SELENOF: variants seen among roughly 807,000 people sequenced by gnomAD.
SELENOF encodes the protein 15 kDa selenoprotein.
In SELENOF, 16 loss-of-function variants were observed where a neutral mutation model predicts 20.5. That is an observed-to-expected ratio of 0.78 (90% CI 0.53 to 1.19). The LOEUF (loss-of-function observed/expected upper bound fraction) is 1.19, where lower values mean the gene tolerates loss of function less well. Ranked by LOEUF, SELENOF falls within the 50% of genes most tolerant of loss-of-function variation. The pLI, the probability that SELENOF is intolerant of heterozygous loss-of-function variation, is 0.00. For missense variants in SELENOF, 215 were observed against 194.2 expected (o/e 1.11, Z -0.64); for synonymous variants, 78 against 74.5 (o/e 1.05, Z -0.24).
intron 2 of SELENOF, among the ~76,000 whole-genome samples, chr1:86,900,080 C>A (rs1570402402): frequency 6.6e-6 from 1 of 151,166 alleles, no homozygotes; most frequent in African/African-American, 2.4e-5. Context: ...GGCGGCCGGG[C>A]AGAGACGCTC....
rs571816880 is a variant in SELENOF, at chr1:86,885,040, G to C, written c.253-4315C>G. On this transcript the variant is annotated intron_variant, in intron 2 of 4. Coordinates refer to ENST00000331835, the MANE Select transcript of SELENOF (RefSeq NM_004261.5). Reference sequence around the variant, plus strand: ...TCACTAATGTGCCTTAGTTGTAACAGGATTTTAAAATATGCGAATTTCCCA... The same window carrying C: ...TCACTAATGTGCCTTAGTTGTAACACGATTTTAAAATATGCGAATTTCCCA... Among the ~76,000 whole-genome samples the C allele has an allele frequency of 3.9e-5, 6 of 152,224 alleles. No homozygotes were observed. The East Asian group carries it at 7.7e-4, about 20-fold the overall frequency.
intron 2 of SELENOF, among the ~76,000 whole-genome samples, chr1:86,898,540 T>C (rs1659584398): frequency 6.6e-6 from 1 of 151,686 alleles, no homozygotes; most frequent in Non-Finnish European, 1.5e-5. Context: ...TATGTACAAA[T>C]AGCTAAAGCA....
rs569250229 is a variant in SELENOF at position 86,914,088 on chromosome 1, C to A, written c.24G>T (p.Pro8=). The A allele has an allele frequency of 1.2e-6, 2 of 1,613,988 alleles. No individual in the cohort carries two copies. The change falls in exon 1 of 5, where the codon CCG becomes CCT. Residue 8 remains proline (P), a synonymous_variant. Coordinates refer to ENST00000331835, the MANE Select transcript of SELENOF (RefSeq NM_004261.5). ...CAAACGCCGGCACCAGACACCCACT[C>A]GGCCCAGCCGCCATCGCTACCATTT... The part of the protein sequence containing the change: MVAMAAG[P]SGCLVPAFGL...
At chr1:86,878,639 G>A (rs749938302) in intron 3 of SELENOF, among the ~76,000 whole-genome samples, 7 of 152,116 alleles carry the variant, frequency 4.6e-5, no homozygotes, top group East Asian at 1.9e-4. Context: ...CTGAAATTGC[G>A]CCACTGCACT....
At chr1:86,884,367 A>G in intron 2 of SELENOF, among the ~76,000 whole-genome samples, 1 of 151,820 alleles carries the variant, frequency 6.6e-6, no homozygotes, top group African/African-American at 2.4e-5. Flanking sequence ...ACACACACAC[A>G]CACACACACA....
At chr1:86,899,093 G>A (rs1659603829) in intron 2 of SELENOF, among the ~76,000 whole-genome samples, 1 of 151,660 alleles carries the variant, frequency 6.6e-6, no homozygotes, top group African/African-American at 2.4e-5. Flanking sequence ...GAGAGCACAA[G>A]GTTGTGGGGT....
intron 3 of SELENOF, among the ~76,000 whole-genome samples, chr1:86,871,044 T>TC (rs1658751662): frequency 6.6e-6 from 1 of 152,154 alleles, no homozygotes; most frequent in Admixed American, 6.5e-5. Context: ...TAAACGTAGA[T>TC]CCATAGCTTC....
At chr1:86,905,564 C>A (rs1659807505) in intron 1 of SELENOF, among the ~76,000 whole-genome samples, 1 of 152,146 alleles carries the variant, frequency 6.6e-6, no homozygotes, top group Admixed American at 6.5e-5. Context: ...TGACACTGTA[C>A]TATGTAAATC....
At chr1:86,880,957 T>C (rs1659052158) in intron 2 of SELENOF, among the ~76,000 whole-genome samples, 2 of 152,154 alleles carry the variant, frequency 1.3e-5, no homozygotes, top group South Asian at 4.1e-4. Context: ...CAATTATTCT[T>C]AAACCTAGCC....
At chr1:86,912,172 C>T (rs769202855) in intron 1 of SELENOF, among the ~76,000 whole-genome samples, 4 of 152,106 alleles carry the variant, frequency 2.6e-5, no homozygotes, top group Non-Finnish European at 4.4e-5. Context: ...AACCAAGACG[C>T]TGTTATTTCT....
chr1:86,868,141 C>T (rs765871924), intron 3 of SELENOF, 39 bp from the exon 4 acceptor site: 16 of 934,504 alleles, frequency 1.7e-5, no homozygotes, highest in Non-Finnish European at 2.3e-5. Context: ...AGTTCACTTC[C>T]AAATCCAAGC....
chr1:86,893,044 G>C (rs1659428293), intron 2 of SELENOF, among the ~76,000 whole-genome samples: 1 of 152,096 alleles, frequency 6.6e-6, no homozygotes, highest in South Asian at 2.1e-4. Flanking sequence ...GAATCAAATA[G>C]ACCTGAGATA....
intron 4 of SELENOF, among the ~76,000 whole-genome samples, chr1:86,867,387 G>A (rs1027378556): frequency 6.6e-6 from 1 of 151,998 alleles, no homozygotes; most frequent in African/African-American, 2.4e-5. Flanking sequence ...AGCTGCTCAG[G>A]AAGCTGAGAC....
chr1:86,897,478 A>G (rs1304867778), intron 2 of SELENOF, among the ~76,000 whole-genome samples: 3 of 152,162 alleles, frequency 2.0e-5, no homozygotes, highest in Admixed American at 2.0e-4. Context: ...AGAAGATGGG[A>G]AGCTGAGCTA....
At chr1:86,905,736 A>C (rs1659811771) in intron 1 of SELENOF, among the ~76,000 whole-genome samples, 3 of 152,166 alleles carry the variant, frequency 2.0e-5, no homozygotes, top group Admixed American at 2.0e-4. Flanking sequence ...CAACTGACTG[A>C]TCTTCTAGAC....
At chr1:86,913,020 T>C (rs1311335055) in intron 1 of SELENOF, among the ~76,000 whole-genome samples, 1 of 152,118 alleles carries the variant, frequency 6.6e-6, no homozygotes, top group Non-Finnish European at 1.5e-5. Flanking sequence ...TAGCACCAAA[T>C]GCCTGAATAA....
At chr1:86,903,526 G>T in intron 1 of SELENOF, 78 bp from the exon 2 acceptor site, 1 of 1,052,760 alleles carries the variant, frequency 9.5e-7, no homozygotes, top group Non-Finnish European at 1.3e-6. Flanking sequence ...ACACGGGGTT[G>T]TCAAAAACTA....
chr1:86,877,186 G>A (rs988217585), intron 3 of SELENOF, among the ~76,000 whole-genome samples: 2 of 152,052 alleles, frequency 1.3e-5, no homozygotes, highest in African/African-American at 4.8e-5. Context: ...CTCTGTTTTT[G>A]GTGGTGCCAG....
chr1:86,909,876 G>A (rs1056456470), intron 1 of SELENOF, among the ~76,000 whole-genome samples: 2 of 152,254 alleles, frequency 1.3e-5, no homozygotes, highest in Non-Finnish European at 2.9e-5. Flanking sequence ...GTGGGGGCGC[G>A]TGCCTGTAAT....
Sources: gnomAD v4.1 joint callset for allele counts (sites outside exome capture counted in the v4.1 genomes callset) on GRCh38, gnomAD v4.1.1 for gene constraint, MANE v1.5 for transcripts, NCBI Gene and HGNC (gene_info 2026-07-23, HGNC 2026-07-21) for gene names.